Variants in KIF9 observed in about 807,000 individuals in gnomAD.
KIF9 encodes the protein kinesin family member 9.
In KIF9, 68 loss-of-function variants were observed where a neutral mutation model predicts 94.8. That is an observed-to-expected ratio of 0.72 (90% confidence interval 0.59 to 0.88). The LOEUF (loss-of-function observed/expected upper bound fraction) is 0.88. Among genes scored for constraint, KIF9 ranks in the 40% least tolerant of loss-of-function variants. The pLI is 0.00. For synonymous variants in KIF9, 343 were observed against 362.1 expected, an observed-to-expected ratio of 0.95 and a Z score of 0.60; for missense variants, 882 against 982.5, an observed-to-expected ratio of 0.90 and a Z score of 1.37.
rs375471117 is a variant in KIF9, at chr3:47,240,797, T to A, written c.1924+4A>T. The stretch of plus-strand genomic sequence containing the variant: ...CTCCCTAGCCCTCTTTCCAACACAT[T>A]TACCTTGCTTCTCCCGTAGTGACTT... On this transcript the variant is annotated splice_donor_region_variant and intron_variant, in intron 17 of 20. Coordinates refer to ENST00000684063, the MANE Select transcript of KIF9 (RefSeq NM_182902.4). 5.0e-6 allele frequency: 8 copies of A among 1,612,672 alleles called. No homozygotes were observed. The highest frequency in any genetic ancestry group is 6.8e-6 in the Non-Finnish European group (8 of 1,178,884).
rs772330872 is a variant in KIF9, at chr3:47,247,331, C to T, written c.1233+42G>A. The T allele has an allele frequency of 1.5e-5, 21 of 1,395,170 alleles. No individual in the cohort carries two copies. The Middle Eastern group carries it at 9.5e-4, about 63-fold the overall frequency. The allele number at this position is 1,395,170 out of a possible 1,614,324, so 86.4% of individuals were successfully genotyped here. ...TTGGGGTGTGCCCAGGACTGGGAGG[C>T]CCAGGCTGGCTGAGCATAGTGGTCA... On this transcript the variant is annotated intron_variant, in intron 12 of 20. Coordinates refer to ENST00000684063, the MANE Select transcript of KIF9 (RefSeq NM_182902.4).
rs374338890 is a variant in KIF9 at position 47,268,568 on chromosome 3, C to T, written c.592-1305G>A. ...CACTCACCAAGAATATAAGGGGTCA[C>T]TTCATTTTTCTTCTTCTTTTTTTTT... On this transcript the variant is annotated intron_variant, in intron 5 of 20. Coordinates refer to ENST00000684063, the MANE Select transcript of KIF9 (RefSeq NM_182902.4). 4.4e-4 allele frequency among the ~76,000 whole-genome samples: 67 copies of T among 151,220 alleles called. 2 individuals are homozygous for T. In the South Asian group the frequency reaches 0.014, roughly 32 times the overall value.
intron 12 of KIF9, 123 bp from the exon 13 acceptor site, chr3:47,246,375 G>A (rs1302108537): frequency 1.6e-6 from 1 of 610,516 alleles, no homozygotes; most frequent in South Asian, 3.3e-5. Flanking sequence ...CTCGAGAAGA[G>A]GACGTGTGCA....
chr3:47,265,603 T>A, intron 8 of KIF9, 127 bp downstream of exon 8: 1 of 930,660 alleles, frequency 1.1e-6, no homozygotes, highest in Non-Finnish European at 1.6e-6. Flanking sequence ...TCACTGTGAA[T>A]GTGCTGCAGG....
At chr3:47,258,678 T>A (rs1040098746) in intron 9 of KIF9, among the ~76,000 whole-genome samples, 5 of 152,144 alleles carry the variant, frequency 3.3e-5, no homozygotes, top group Non-Finnish European at 7.3e-5. Flanking sequence ...TTCCTCCTGC[T>A]CCTGCCATGT....
chr3:47,252,458 G>A (rs1053398139), intron 10 of KIF9, among the ~76,000 whole-genome samples: 29 of 152,122 alleles, frequency 1.9e-4, no homozygotes, highest in Admixed American at 1.6e-3. Context: ...TAAGTCAGGC[G>A]TGGTGGCGCA....
intron 20 of KIF9, among the ~76,000 whole-genome samples, chr3:47,232,778 C>T (rs540737546): frequency 3.7e-4 from 55 of 150,102 alleles, no homozygotes; most frequent in African/African-American, 9.8e-4. Context: ...GTCAGGAGAT[C>T]GAGACCATCC....
rs1469310125 is a variant in KIF9 at position 47,243,091 on chromosome 3, G to T, written c.1669C>A (p.Leu557Ile). 4 of 1,613,146 alleles carry T rather than the reference G, an allele frequency of 2.5e-6. No homozygotes were observed. The South Asian group carries it at 4.4e-5, about 18-fold the overall frequency. Residue 557 changes from leucine to isoleucine, a missense_variant, in exon 16 of 21, where the codon CTT (leucine) becomes ATT (isoleucine). Transcript: ENST00000684063. ...TCCTCCTTCGGGGAGTCTGAGGGAAGGGGCTCAATGCTGGAAGTTTCCCGG... is the reference window on the plus strand; with the variant it reads ...TCCTCCTTCGGGGAGTCTGAGGGAATGGGCTCAATGCTGGAAGTTTCCCGG... ...RDRETSSIEP[L>I]PSDSPKEELR...
chr3:47,247,427 A>G lies in KIF9; in HGVS notation c.1179T>C (p.Ala393=). The change falls in exon 12 of 21, where the codon GCT becomes GCC. Residue 393 remains alanine, a synonymous_variant. Transcript: ENST00000684063. ...TYDPMDEIQI[A]EINSQVRRYL... ...ACCTCCGCACCTGGGAGTTGATCTC[A>G]GCAATCTGGATTTCATCCATGGGGT... 1 of 1,613,340 alleles carries G rather than the reference A, an allele frequency of 6.2e-7. No individual in the cohort carries two copies. Among genetic ancestry groups the G allele is most frequent in the Non-Finnish European group, 8.5e-7 (1 of 1,179,286 alleles).
At chr3:47,243,802 C>T (rs1699742624) in intron 15 of KIF9, 1 of 152,312 alleles carries the variant, frequency 6.6e-6, no homozygotes, top group Non-Finnish European at 1.5e-5. Context: ...GAGGACCGAA[C>T]TGGCAGGAGG....
At chr3:47,244,101 A>G (rs1005975745) in intron 15 of KIF9, 2 of 152,292 alleles carry the variant, frequency 1.3e-5, no homozygotes, top group African/African-American at 4.8e-5. Context: ...GCTCACAACA[A>G]CCTCAATGAC....
Position 47,275,501 on chromosome 3 carries a change from A to G in KIF9, c.94-11T>C, listed in dbSNP as rs375579577. Reference sequence around the variant, plus strand: ...GTGAATATCAATGCTCTAGGAAAAAAGAGTGAGAAAGAAAAAAATGTTATT... The same window carrying G: ...GTGAATATCAATGCTCTAGGAAAAAGGAGTGAGAAAGAAAAAAATGTTATT... On this transcript the variant is annotated splice_polypyrimidine_tract_variant and intron_variant, in intron 2 of 20. Coordinates refer to ENST00000684063, the MANE Select transcript of KIF9 (RefSeq NM_182902.4). 1.1e-4 allele frequency: 171 copies of G among 1,586,952 alleles called. 1 individual carries two copies. The African/African-American group carries it at 2.2e-3, about 20-fold the overall frequency.
chr3:47,248,604 G>A (rs373157708), intron 10 of KIF9, among the ~76,000 whole-genome samples: 4 of 151,856 alleles, frequency 2.6e-5, no homozygotes, highest in Non-Finnish European at 4.4e-5. Flanking sequence ...CACCACACCT[G>A]GCTAATTTTT....
Position 47,282,614 on chromosome 3 carries a change from A to C in KIF9, c.-125T>G. On this transcript the variant is annotated 5_prime_UTR_variant, in exon 1 of 21. Transcript: ENST00000684063. The stretch of plus-strand genomic sequence containing the variant: ...CCATGGCAACGGGTCGCTTCCGGGG[A>C]TTCCGGAAGTGTCGGGGTGGCGGAA... The C allele has an allele frequency of 1.1e-5, 12 of 1,107,260 alleles. No homozygotes were observed. The highest frequency in any genetic ancestry group is 6.6e-5 in the East Asian group (1 of 15,108). 68.6% of individuals were successfully genotyped at this position (1,107,260 alleles called of 1,614,324 possible).
rs1701458238 is a variant in KIF9, at chr3:47,268,888, C to T, written c.592-1625G>A. 2.6e-5 allele frequency among the ~76,000 whole-genome samples: 4 copies of T among 152,032 alleles called. No individual in the cohort carries two copies. In the South Asian group the frequency reaches 8.3e-4, roughly 32 times the overall value. ...GCATGAGCCACCACAGCAGGTCATTCACCTTTACTCTTCAGTCCCCCTTCT... is the reference window on the plus strand; with the variant it reads ...GCATGAGCCACCACAGCAGGTCATTTACCTTTACTCTTCAGTCCCCCTTCT... On this transcript the variant is annotated intron_variant, in intron 5 of 20. Transcript: ENST00000684063.
Position 47,267,685 on chromosome 3 carries a change from T to C in KIF9, c.592-422A>G, listed in dbSNP as rs1202303464. Reference sequence around the variant, plus strand: ...ATCCAAAATCATATTATAGCTGATCTAAGAAATGCAAAAGCATTCATAGAA... The same window carrying C: ...ATCCAAAATCATATTATAGCTGATCCAAGAAATGCAAAAGCATTCATAGAA... On this transcript the variant is annotated intron_variant, in intron 5 of 20. Transcript: ENST00000684063. Among the ~76,000 whole-genome samples, 8 of 152,306 alleles carry C rather than the reference T, an allele frequency of 5.3e-5. No individual in the cohort carries two copies. The South Asian group carries it at 1.5e-3, about 28-fold the overall frequency.
chr3:47,268,373 C>T (rs1489411108), intron 5 of KIF9, among the ~76,000 whole-genome samples: 1 of 152,198 alleles, frequency 6.6e-6, no homozygotes. Flanking sequence ...TATGAACAAG[C>T]CCCAAAGTGA....
chr3:47,255,557 A>G (rs1559445571), intron 10 of KIF9, among the ~76,000 whole-genome samples: 4 of 152,076 alleles, frequency 2.6e-5, no homozygotes, highest in African/African-American at 7.2e-5. Flanking sequence ...GAGGGAGTGG[A>G]GCTTAGAGCA....
chr3:47,279,225 C>T (rs1267121150), intron 1 of KIF9, among the ~76,000 whole-genome samples: 2 of 147,944 alleles, frequency 1.4e-5, no homozygotes, highest in South Asian at 4.2e-4. Flanking sequence ...GTAATCCCAG[C>T]ACTTTGGGAG....
Sources: gnomAD v4.1 joint callset for allele counts (sites outside exome capture counted in the v4.1 genomes callset) on GRCh38, gnomAD v4.1.1 for gene constraint, MANE v1.5 for transcripts, NCBI Gene and HGNC (gene_info 2026-07-23, HGNC 2026-07-21) for gene names.